The following TSPAN2 variants were observed in gnomAD, a reference collection of about 807,000 sequenced individuals.
TSPAN2 encodes tetraspanin 2, also known as tetraspanin-2.
TSPAN2 carries 24 observed loss-of-function variants against 33.3 expected under a neutral mutation model. The observed-to-expected ratio is 0.72, with a 90% CI of 0.52 to 1.01. The LOEUF is 1.01. Among genes scored for constraint, TSPAN2 ranks in the 50% least tolerant of loss-of-function variants. TSPAN2 has a pLI of 0.00. For synonymous variants in TSPAN2, 114 were observed against 104.5 expected (o/e 1.09, Z -0.56); for missense variants, 278 against 281.3 (o/e 0.99, Z 0.08).
chr1:115,077,359 C>A (rs191434723), intron 1 of TSPAN2, among the ~76,000 whole-genome samples: 143 of 151,452 alleles, frequency 9.4e-4, no homozygotes, highest in African/African-American at 3.2e-3. Context: ...GATAAGAATG[C>A]AGGGAAAGGA....
At position 115,062,048 on chromosome 1, in the gene TSPAN2, G is replaced by C. The variant is rs1430494382; in HGVS notation, c.270+87C>G. The C allele has an allele frequency of 4.2e-6, 5 of 1,178,960 alleles. No individual in the cohort carries two copies. The East Asian group carries it at 1.3e-4, about 31-fold the overall frequency. 73.0% of individuals were successfully genotyped at this position (1,178,960 alleles called of 1,614,324 possible). ...GCTCAGAGAGTCCACGGAGGAGCTG[G>C]AGCCAGGGGCCAGAGGCACTGACTC... On this transcript the variant is annotated intron_variant, in intron 3 of 7. Transcript: ENST00000369516.
At chr1:115,060,637 A>G (rs1235654913) in intron 3 of TSPAN2, 99 bp from the exon 4 acceptor site, 1 of 866,528 alleles carries the variant, frequency 1.2e-6, no homozygotes, top group Admixed American at 2.5e-5. Context: ...AATCGCTTTC[A>G]TGTGGTTCAT....
chr1:115,051,744 G>C (rs963046761), intron 7 of TSPAN2, among the ~76,000 whole-genome samples: 31 of 152,196 alleles, frequency 2.0e-4, no homozygotes, highest in Admixed American at 3.9e-4. Flanking sequence ...AGGGGCAGAA[G>C]CAGGTAAGGG....
chr1:115,076,843 C>A (rs1648429027), intron 1 of TSPAN2, among the ~76,000 whole-genome samples: 1 of 152,086 alleles, frequency 6.6e-6, no homozygotes, highest in Admixed American at 6.5e-5. Context: ...TCCAACCCTG[C>A]AGGTGGGAAG....
chr1:115,055,305 T>C (rs1406107821), intron 6 of TSPAN2, among the ~76,000 whole-genome samples: 1 of 147,666 alleles, frequency 6.8e-6, no homozygotes, highest in Non-Finnish European at 1.5e-5. Context: ...AATACATGCT[T>C]CTTGTAGAAA....
chr1:115,079,644 T>C (rs1351042383), intron 1 of TSPAN2, among the ~76,000 whole-genome samples: 1 of 152,216 alleles, frequency 6.6e-6, no homozygotes, highest in Admixed American at 6.5e-5. Context: ...CTATGTCAAA[T>C]GGTCTCCGAA....
At chr1:115,086,487 AAGG>A (rs1226421505) in intron 1 of TSPAN2, among the ~76,000 whole-genome samples, 2 of 152,282 alleles carry the variant, frequency 1.3e-5, no homozygotes, top group South Asian at 2.1e-4. Context: ...GCTCCTTCTT[AAGG>A]AGAACTTTTC....
At chr1:115,089,269 G>T in intron 1 of TSPAN2, 95 bp downstream of exon 1, 4 of 1,156,146 alleles carry the variant, frequency 3.5e-6, no homozygotes, top group Non-Finnish European at 4.8e-6. Context: ...CCACGAGCGC[G>T]ACTCGGACGC....
At chr1:115,069,053 T>C (rs1049548065) in intron 2 of TSPAN2, among the ~76,000 whole-genome samples, 5 of 152,202 alleles carry the variant, frequency 3.3e-5, no homozygotes, top group Admixed American at 2.0e-4. Context: ...GTTTCTATGA[T>C]GACCCACTTC....
rs1443054070 is a variant in TSPAN2, at chr1:115,085,522, C to G, written c.69+3842G>C. 5.9e-5 allele frequency among the ~76,000 whole-genome samples: 9 copies of G among 152,156 alleles called. 1 individual carries two copies. In the East Asian group the frequency reaches 1.5e-3, roughly 26 times the overall value. On this transcript the variant is annotated intron_variant, in intron 1 of 7. Transcript: ENST00000369516. The stretch of plus-strand genomic sequence containing the variant: ...CTGATTGGAAGGAAGTGCTGTCACC[C>G]AAGGAACCCCGTAACTCCGAGGGGC...
At chr1:115,068,244 C>T (rs1435888070) in intron 2 of TSPAN2, among the ~76,000 whole-genome samples, 1 of 152,224 alleles carries the variant, frequency 6.6e-6, no homozygotes, top group Non-Finnish European at 1.5e-5. Context: ...GGATTGACCA[C>T]ACCTCTGGCT....
At chr1:115,053,546 GT>G in intron 6 of TSPAN2, 84 bp from the exon 7 acceptor site, 1 of 1,147,034 alleles carries the variant, frequency 8.7e-7, no homozygotes, top group East Asian at 2.5e-5. Context: ...CATCTCTACA[GT>G]TCATTCTGTG....
chr1:115,063,721 A>G (rs565671562), intron 2 of TSPAN2, among the ~76,000 whole-genome samples: 2 of 152,258 alleles, frequency 1.3e-5, no homozygotes, highest in Non-Finnish European at 2.9e-5. Flanking sequence ...AATACTATGC[A>G]GCCATAAAAA....
chr1:115,072,355 C>T (rs1648213417), intron 2 of TSPAN2, among the ~76,000 whole-genome samples: 1 of 152,172 alleles, frequency 6.6e-6, no homozygotes, highest in African/African-American at 2.4e-5. Flanking sequence ...TCTCTCCTCC[C>T]CTCCACTCTG....
At chr1:115,062,334 C>CTCCTTTTGGTACTATT in intron 2 of TSPAN2, 102 bp from the exon 3 acceptor site, 1 of 827,070 alleles carries the variant, frequency 1.2e-6, no homozygotes, top group Non-Finnish European at 1.9e-6. Context: ...CTAATAGTAC[C>CTCCTTTTGGTACTATT]AAAAGGAGGT....
At chr1:115,088,982 T>G (rs1351443844) in intron 1 of TSPAN2, among the ~76,000 whole-genome samples, 3 of 148,762 alleles carry the variant, frequency 2.0e-5, no homozygotes, top group Non-Finnish European at 4.5e-5. Context: ...GTAGGCAGAG[T>G]GAAAAGGGGG....
rs535176585 is a variant in TSPAN2, at chr1:115,053,569, A to C, written c.517-107T>G. 1.4e-4 allele frequency: 128 copies of C among 911,572 alleles called. No homozygotes were observed. The African/African-American group carries it at 2.0e-3, about 14-fold the overall frequency. The allele number at this position is 911,572 out of a possible 1,614,324, so 56.5% of individuals were successfully genotyped here. On this transcript the variant is annotated intron_variant, in intron 6 of 7. Coordinates refer to ENST00000369516, the MANE Select transcript of TSPAN2 (RefSeq NM_005725.6). ...CAGTTCATTCTGTGAGAGTTAATCC[A>C]TGCCAGCTTCTACTCATGTTTCAAC...
chr1:115,074,100 C>T (rs1648299924), intron 1 of TSPAN2, among the ~76,000 whole-genome samples: 1 of 152,168 alleles, frequency 6.6e-6, no homozygotes, highest in Admixed American at 6.5e-5. Flanking sequence ...TAGTCTACCA[C>T]TAAATGAACA....
chr1:115,059,703 A>G (rs1335847199), intron 4 of TSPAN2, among the ~76,000 whole-genome samples: 2 of 152,362 alleles, frequency 1.3e-5, no homozygotes, highest in East Asian at 3.9e-4. Flanking sequence ...AGGTCCTAAG[A>G]TTCCATTCTA....
Sources: allele counts gnomAD v4.1 joint callset (sites outside exome capture counted in the v4.1 genomes callset), GRCh38; gene constraint gnomAD v4.1.1; transcripts MANE v1.5; gene names NCBI Gene and HGNC (gene_info 2026-07-23, HGNC 2026-07-21).